NRG3: variants seen among roughly 807,000 people sequenced by gnomAD.
NRG3 encodes the protein neuregulin 3, also known as pro-neuregulin-3, membrane-bound isoform.
Under a neutral mutation model 66.9 loss-of-function variants are expected in NRG3, and 31 were observed. The observed-to-expected ratio is 0.46, with a 90% CI of 0.35 to 0.63. The LOEUF (loss-of-function observed/expected upper bound fraction) is 0.63, where lower values mean the gene tolerates loss of function less well. Among genes scored for constraint, NRG3 ranks in the 20% least tolerant of loss-of-function variants. The probability of loss-of-function intolerance (pLI) is 0.00; values close to 1 mark genes in which losing one functional copy is unlikely to be tolerated. For missense variants in NRG3, 910 were observed against 878.9 expected, an observed-to-expected ratio of 1.04 and a Z score of -0.45; for synonymous variants, 393 against 359.4, an observed-to-expected ratio of 1.09 and a Z score of -1.06.
At chr10:82,326,992 G>A (rs2081905868) in intron 1 of NRG3, among the ~76,000 whole-genome samples, 1 of 152,200 alleles carries the variant, frequency 6.6e-6, no homozygotes. Context: ...GTAAAGGCTA[G>A]TATCATTAAA....
chr10:82,360,011 C>T (rs373844568), intron 2 of NRG3, among the ~76,000 whole-genome samples: 2 of 152,122 alleles, frequency 1.3e-5, no homozygotes, highest in African/African-American at 4.8e-5. Flanking sequence ...AGTAGGAGGG[C>T]TCTGTAAAAG....
intron 2 of NRG3, among the ~76,000 whole-genome samples, chr10:82,691,102 C>A (rs755108871): frequency 8.6e-5 from 13 of 152,006 alleles, no homozygotes; most frequent in South Asian, 2.1e-4. Context: ...AGAATCCCGA[C>A]GAACAAAAAT....
At chr10:82,908,873 G>A (rs1333716328) in intron 4 of NRG3, among the ~76,000 whole-genome samples, 3 of 152,180 alleles carry the variant, frequency 2.0e-5, no homozygotes, top group Non-Finnish European at 4.4e-5. Flanking sequence ...TCAGGAGGGA[G>A]AGGAAGCCAA....
rs144823539 is a variant in NRG3, at chr10:82,656,559, C to G, written c.954-82018C>G. 3.3e-5 allele frequency among the ~76,000 whole-genome samples: 5 copies of G among 152,036 alleles called. No individual in the cohort carries two copies. The South Asian group carries it at 1.0e-3, about 32-fold the overall frequency. On this transcript the variant is annotated intron_variant, in intron 2 of 8. Transcript: ENST00000372141. ...CCTAAAGAACCACTCCTGTTTTTCCCCTTCCCAAATCTTTAGTTCTCTAGC... is the reference window on the plus strand; with the variant it reads ...CCTAAAGAACCACTCCTGTTTTTCCGCTTCCCAAATCTTTAGTTCTCTAGC...
chr10:82,580,028 A>G (rs2046262873), intron 2 of NRG3, among the ~76,000 whole-genome samples: 1 of 151,932 alleles, frequency 6.6e-6, no homozygotes, highest in African/African-American at 2.4e-5. Context: ...AAATGGCATA[A>G]TATTTATTAT....
intron 1 of NRG3, among the ~76,000 whole-genome samples, chr10:82,206,181 A>G (rs1005080564): frequency 1.3e-5 from 2 of 152,150 alleles, no homozygotes; most frequent in Admixed American, 6.6e-5. Flanking sequence ...TGCATCTTCA[A>G]ATATTTAGTT....
intron 1 of NRG3, among the ~76,000 whole-genome samples, chr10:82,004,727 G>A (rs904691390): frequency 2.6e-5 from 4 of 152,120 alleles, no homozygotes; most frequent in African/African-American, 9.7e-5. Context: ...GGACGTTAAG[G>A]TGGGCCCTAA....
chr10:82,979,033 G>T lies in NRG3; in HGVS notation c.1496G>T (p.Arg499Leu). The T allele has an allele frequency of 6.2e-7, 1 of 1,614,074 alleles. No individual in the cohort carries two copies. The highest frequency in any genetic ancestry group is 8.5e-7 in the Non-Finnish European group (1 of 1,179,976). Reference protein sequence around the residue: ...NAFRRTPPSPRSRLGGIVGPA... With the variant: ...NAFRRTPPSPLSRLGGIVGPA... ...TTCAGAAGGACACCCCCGTCACCCCGAAGTAGGCTAGGTGGAATTGTGGGA... is the reference window on the plus strand; with the variant it reads ...TTCAGAAGGACACCCCCGTCACCCCTAAGTAGGCTAGGTGGAATTGTGGGA... The change falls in exon 8 of 9, where the codon CGA becomes CTA. Residue 499 changes from arginine (R) to leucine (L), a missense_variant. Coordinates refer to ENST00000372141, the MANE Select transcript of NRG3 (RefSeq NM_001010848.4).
rs2133587329 is a variant in NRG3 at position 82,618,870 on chromosome 10, A to T, written c.954-119707A>T. Among the ~76,000 whole-genome samples, 3 of 152,112 alleles carry T rather than the reference A, an allele frequency of 2.0e-5. No individual in the cohort carries two copies. In the Middle Eastern group the frequency reaches 0.01, roughly 517 times the overall value. ...TTGCACCCTTTTTATGGACGTGTTT[A>T]AAGTTTGTAGCAGTGCAAAATTTTA... On this transcript the variant is annotated intron_variant, in intron 2 of 8. Coordinates refer to ENST00000372141, the MANE Select transcript of NRG3 (RefSeq NM_001010848.4).
rs1473407436 is a variant in NRG3, at chr10:82,007,475, G to A, written c.823+131312G>A. On this transcript the variant is annotated intron_variant, in intron 1 of 8. Coordinates refer to ENST00000372141, the MANE Select transcript of NRG3 (RefSeq NM_001010848.4). Reference sequence around the variant, plus strand: ...GCATGCCTCGGCCTCCCAAAGTGCTGGGATTACAGGCGTGAGCCATCAGTG... The same window carrying A: ...GCATGCCTCGGCCTCCCAAAGTGCTAGGATTACAGGCGTGAGCCATCAGTG... Among the ~76,000 whole-genome samples the A allele has an allele frequency of 4.6e-5, 7 of 152,134 alleles. No homozygotes were observed. The East Asian group carries it at 1.2e-3, about 25-fold the overall frequency.
At chr10:82,956,846 G>A (rs1850096801) in intron 5 of NRG3, among the ~76,000 whole-genome samples, 1 of 151,866 alleles carries the variant, frequency 6.6e-6, no homozygotes, top group South Asian at 2.1e-4. Flanking sequence ...TTTAACAATA[G>A]GCTATAGATT....
chr10:81,967,118 G>A (rs1279803618), intron 1 of NRG3, among the ~76,000 whole-genome samples: 1 of 150,916 alleles, frequency 6.6e-6, no homozygotes, highest in Non-Finnish European at 1.5e-5. Context: ...TATTTTAATA[G>A]GTCCCTAATA....
chr10:81,932,285 A>G (rs573901828), intron 1 of NRG3, among the ~76,000 whole-genome samples: 1 of 151,990 alleles, frequency 6.6e-6, no homozygotes, highest in Non-Finnish European at 1.5e-5. Flanking sequence ...ACACTTTTTA[A>G]TGACCAGATC....
chr10:82,374,451 T>C (rs1312337601), intron 2 of NRG3, among the ~76,000 whole-genome samples: 2 of 152,224 alleles, frequency 1.3e-5, no homozygotes, highest in African/African-American at 2.4e-5. Context: ...GTTATAAATA[T>C]AGATTCTCAA....
chr10:82,535,888 T>C (rs1174545558), intron 2 of NRG3, among the ~76,000 whole-genome samples: 1 of 146,066 alleles, frequency 6.8e-6, no homozygotes, highest in Non-Finnish European at 1.5e-5. Flanking sequence ...AATGCAAATA[T>C]TTTTTAAAGT....
intron 1 of NRG3, among the ~76,000 whole-genome samples, chr10:82,208,939 C>G (rs1564665356): frequency 1.3e-5 from 2 of 152,056 alleles, no homozygotes. Context: ...CATCAGCTAA[C>G]CCCAGGGGAC....
intron 2 of NRG3, among the ~76,000 whole-genome samples, chr10:82,689,522 C>G (rs2054763775): frequency 6.6e-6 from 1 of 152,180 alleles, no homozygotes. Flanking sequence ...AAGCCTACTA[C>G]TAAAGCCCCA....
rs578145031 is a variant in NRG3 at position 82,352,783 on chromosome 10, G to C, written c.824-5956G>C. On this transcript the variant is annotated intron_variant, in intron 1 of 8. Transcript: ENST00000372141. The stretch of plus-strand genomic sequence containing the variant: ...GCAGTTATTATGTATGAGATGAGGA[G>C]TGAGAGACACAGAGGGCTTGGGAAG... Among the ~76,000 whole-genome samples the C allele has an allele frequency of 2.0e-5, 3 of 151,600 alleles. 1 individual carries two copies. In the South Asian group the frequency reaches 6.3e-4, roughly 32 times the overall value.
chr10:82,763,172 G>A (rs951999989), intron 3 of NRG3, among the ~76,000 whole-genome samples: 1 of 152,142 alleles, frequency 6.6e-6, no homozygotes, highest in African/African-American at 2.4e-5. Context: ...ATCTTAGATT[G>A]TATTAAAATT....
Sources: allele counts gnomAD v4.1 joint callset (sites outside exome capture counted in the v4.1 genomes callset), GRCh38; gene constraint gnomAD v4.1.1; transcripts MANE v1.5; gene names NCBI Gene and HGNC (gene_info 2026-07-23, HGNC 2026-07-21).